Variants in CDH18 observed in about 807,000 individuals in gnomAD.
CDH18 encodes the protein cadherin-18.
CDH18 carries 31 observed loss-of-function variants against 67.9 expected under a neutral mutation model. The ratio of observed to expected loss-of-function variants is 0.46; its 90% confidence interval spans 0.34 to 0.62. CDH18 has a LOEUF of 0.62. Ranked by LOEUF, CDH18 falls within the 20% of genes least tolerant of loss-of-function variation. The pLI is 0.01. For synonymous variants in CDH18, 362 were observed against 347.2 expected (o/e 1.04, Z -0.48); for missense variants, 890 against 975.5 (o/e 0.91, Z 1.17).
At chr5:19,782,512 T>C (rs1173186628) in intron 3 of CDH18, among the ~76,000 whole-genome samples, 1 of 151,908 alleles carries the variant, frequency 6.6e-6, no homozygotes, top group Non-Finnish European at 1.5e-5. Context: ...TGGTGGATTG[T>C]GATGTGGAGA....
At chr5:20,384,438 T>C (rs182393740) in intron 1 of CDH18, among the ~76,000 whole-genome samples, 50 of 152,300 alleles carry the variant, frequency 3.3e-4, no homozygotes, top group African/African-American at 1.1e-3. Flanking sequence ...TAAGGCTAAA[T>C]TGTATTCTGT....
chr5:20,455,864 T>C (rs1034028922), intron 1 of CDH18, among the ~76,000 whole-genome samples: 5 of 152,236 alleles, frequency 3.3e-5, no homozygotes, highest in Admixed American at 6.5e-5. Flanking sequence ...ACTTCCTACT[T>C]AAATTATTCC....
chr5:19,646,218 C>T (rs1754718494), intron 5 of CDH18, among the ~76,000 whole-genome samples: 1 of 151,764 alleles, frequency 6.6e-6, no homozygotes, highest in African/African-American at 2.4e-5. Context: ...TATTTTTTGA[C>T]CTGAGCAATT....
At chr5:20,376,871 G>T (rs572552725) in intron 1 of CDH18, among the ~76,000 whole-genome samples, 1 of 152,200 alleles carries the variant, frequency 6.6e-6, no homozygotes, top group Admixed American at 6.5e-5. Context: ...ACTAAAATTA[G>T]CCGGGCGTGG....
At chr5:20,289,128 T>A (rs1746912572) in intron 1 of CDH18, among the ~76,000 whole-genome samples, 1 of 151,930 alleles carries the variant, frequency 6.6e-6, no homozygotes, top group Non-Finnish European at 1.5e-5. Context: ...TTACCCATTT[T>A]TGGCTAGTCT....
chr5:20,228,468 T>C (rs1437245012), intron 2 of CDH18, among the ~76,000 whole-genome samples: 3 of 152,124 alleles, frequency 2.0e-5, no homozygotes, highest in African/African-American at 4.8e-5. Context: ...GTTATCATTT[T>C]TAGAAAGAAT....
chr5:19,594,604 A>G (rs993144600), intron 6 of CDH18, among the ~76,000 whole-genome samples: 1 of 152,158 alleles, frequency 6.6e-6, no homozygotes, highest in Non-Finnish European at 1.5e-5. Context: ...TATTTTAATT[A>G]CTGCAGCATT....
At chr5:19,804,926 GA>G in intron 3 of CDH18, among the ~76,000 whole-genome samples, 1 of 149,390 alleles carries the variant, frequency 6.7e-6, no homozygotes, top group East Asian at 2.0e-4. Flanking sequence ...ATCAGCTATG[GA>G]AAAAAATCAT....
intron 5 of CDH18, among the ~76,000 whole-genome samples, chr5:19,675,385 C>A (rs755650882): frequency 5.9e-5 from 9 of 151,942 alleles, no homozygotes; most frequent in Non-Finnish European, 1.2e-4. Context: ...TACTGGAGAC[C>A]GGGGCTTATT....
At chr5:19,669,108 A>G (rs1364428639) in intron 5 of CDH18, among the ~76,000 whole-genome samples, 1 of 146,918 alleles carries the variant, frequency 6.8e-6, no homozygotes, top group African/African-American at 2.5e-5. Context: ...AATCTCACTT[A>G]TATATATAAT....
At chr5:20,304,671 G>A (rs1227089841) in intron 1 of CDH18, 11 of 1,611,538 alleles carry the variant, frequency 6.8e-6, no homozygotes, top group African/African-American at 4.0e-5. Flanking sequence ...GTGATGATGG[G>A]TCCGTTTTCT....
intron 3 of CDH18, among the ~76,000 whole-genome samples, chr5:19,805,105 C>A (rs1168927805): frequency 3.9e-5 from 6 of 151,972 alleles, no homozygotes; most frequent in African/African-American, 1.5e-4. Context: ...CACCACCACA[C>A]CTGGCTAATT....
chr5:19,475,555 TACAC>T (rs766872845), intron 12 of CDH18, among the ~76,000 whole-genome samples: 4 of 148,316 alleles, frequency 2.7e-5, no homozygotes, highest in African/African-American at 5.0e-5. Context: ...CACACACACA[TACAC>T]ACACACATAC....
intron 4 of CDH18, among the ~76,000 whole-genome samples, chr5:19,735,700 T>C (rs1305791534): frequency 1.3e-5 from 2 of 152,152 alleles, no homozygotes; most frequent in Non-Finnish European, 1.5e-5. Flanking sequence ...CAGCCGATAC[T>C]GGATATTTTA....
At chr5:20,434,110 A>C (rs1748982637) in intron 1 of CDH18, among the ~76,000 whole-genome samples, 1 of 152,076 alleles carries the variant, frequency 6.6e-6, no homozygotes, top group Admixed American at 6.6e-5. Flanking sequence ...ACCCCTCTTT[A>C]GTTCCCTGTT....
chr5:20,240,151 T>TTA (rs1202928534), intron 2 of CDH18, among the ~76,000 whole-genome samples: 1 of 151,816 alleles, frequency 6.6e-6, no homozygotes, highest in Non-Finnish European at 1.5e-5. Flanking sequence ...ACCCTAGAAC[T>TTA]TAAAGTATAA....
At chr5:20,287,557 A>C (rs1426521900) in intron 1 of CDH18, among the ~76,000 whole-genome samples, 1 of 151,782 alleles carries the variant, frequency 6.6e-6, no homozygotes, top group African/African-American at 2.4e-5. Flanking sequence ...CAAATATTAA[A>C]AGCTCACAGC....
At chr5:19,863,573 G>T (rs552282669) in intron 2 of CDH18, among the ~76,000 whole-genome samples, 2 of 152,238 alleles carry the variant, frequency 1.3e-5, no homozygotes, top group South Asian at 4.1e-4. Flanking sequence ...CGTTAATTGG[G>T]CTTGACCCTG....
chr5:20,512,682 G>A (rs756707731), intron 1 of CDH18, among the ~76,000 whole-genome samples: 2 of 151,870 alleles, frequency 1.3e-5, no homozygotes, highest in Non-Finnish European at 2.9e-5. Context: ...TTAGGAGTTC[G>A]AGACCAGCCT....
Sources: gnomAD v4.1 joint callset for allele counts (sites outside exome capture counted in the v4.1 genomes callset) on GRCh38, gnomAD v4.1.1 for gene constraint, MANE v1.5 for transcripts, NCBI Gene and HGNC (gene_info 2026-07-23, HGNC 2026-07-21) for gene names.